The following COQ2 variants were observed in gnomAD, a reference collection of about 807,000 sequenced individuals.
COQ2 encodes coenzyme Q2, polyprenyltransferase, also known as 4-hydroxybenzoate polyprenyltransferase, mitochondrial.
In COQ2, 25 loss-of-function variants were observed where a neutral mutation model predicts 35.7. That is an observed-to-expected ratio of 0.70 (90% CI 0.51 to 0.98). The LOEUF is 0.98. Ranked by LOEUF, COQ2 falls within the 50% of genes least tolerant of loss-of-function variation. The pLI is 0.00. For synonymous variants in COQ2, 206 were observed against 186.2 expected, an observed-to-expected ratio of 1.11 and a Z score of -0.86; for missense variants, 488 against 473.5, an observed-to-expected ratio of 1.03 and a Z score of -0.28.
chr4:83,283,567 TTC>T (rs1478826027), intron 1 of COQ2: 12 of 985,374 alleles, frequency 1.2e-5, no homozygotes, highest in Admixed American at 1.2e-4. Flanking sequence ...CCACAGTAAT[TTC>T]TCTTTTTCCT....
Position 83,266,211 on chromosome 4 carries a change from G to C in COQ2, c.951+1375C>G, listed in dbSNP as rs916153865. ...TTTTCACAGTGAGGAAAACAGTGGA[G>C]GGGACACAGCATATGGTTTACTTTA... is the stretch of plus-strand genomic sequence containing the variant. On this transcript the variant is annotated intron_variant, in intron 6 of 6. Transcript: ENST00000647002. 2.0e-5 allele frequency among the ~76,000 whole-genome samples: 3 copies of C among 152,152 alleles called. No individual in the cohort carries two copies. In the South Asian group the frequency reaches 6.2e-4, roughly 32 times the overall value.
intron 3 of COQ2, among the ~76,000 whole-genome samples, chr4:83,273,257 T>C (rs912013942): frequency 6.6e-6 from 1 of 152,270 alleles, no homozygotes; most frequent in Admixed American, 6.5e-5. Context: ...TTAGGGAATG[T>C]AGTACAAATA....
rs963164721 is a variant in COQ2, at chr4:83,264,161, A to G, written c.*38T>C. ...GTATTCAAATCTAATTATATTTTGT[A>G]AAAAATGTTTTAAAAATTCCTAGAT... On this transcript the variant is annotated 3_prime_UTR_variant, in exon 7 of 7. Coordinates refer to ENST00000647002, the MANE Select transcript of COQ2 (RefSeq NM_001358921.2). The G allele has an allele frequency of 3.0e-6, 3 of 1,012,162 alleles. No individual in the cohort carries two copies. The highest frequency in any genetic ancestry group is 4.2e-6 in the Non-Finnish European group (3 of 706,160). 62.7% of individuals were successfully genotyped at this position (1,012,162 alleles called of 1,614,324 possible).
intron 1 of COQ2, among the ~76,000 whole-genome samples, chr4:83,279,815 A>C (rs950492209): frequency 6.6e-6 from 1 of 151,642 alleles, no homozygotes; most frequent in Non-Finnish European, 1.5e-5. Flanking sequence ...AAGTTAGCAA[A>C]ATTTCCTTTA....
At chr4:83,273,208 G>GC (rs1396860274) in intron 3 of COQ2, among the ~76,000 whole-genome samples, 5 of 152,174 alleles carry the variant, frequency 3.3e-5, no homozygotes, top group African/African-American at 4.8e-5. Context: ...ACACATCCAT[G>GC]CACGCACTTA....
At chr4:83,283,264 A>T in intron 1 of COQ2, 2 of 985,386 alleles carry the variant, frequency 2.0e-6, no homozygotes, top group Non-Finnish European at 2.4e-6. Flanking sequence ...TAGGCCTTTG[A>T]CTACATCTCC....
At chr4:83,276,518 A>C (rs1380223257) in intron 2 of COQ2, among the ~76,000 whole-genome samples, 4 of 152,208 alleles carry the variant, frequency 2.6e-5, no homozygotes, top group African/African-American at 7.2e-5. Flanking sequence ...CTTCTACGCC[A>C]GTCAGAATGG....
Position 83,269,859 on chromosome 4 carries a change from C to T in COQ2, c.762+1G>A, listed in dbSNP as rs767624218. On this transcript the variant is annotated splice_donor_variant, in intron 5 of 6. Coordinates refer to ENST00000647002, the MANE Select transcript of COQ2 (RefSeq NM_001358921.2). LOFTEE classifies it high-confidence loss of function. ...AAGTTAAGAAAAGATAATTTCTTTA[C>T]CTGATGGGCATAAATAGTATCATAT... 6.4e-6 allele frequency: 10 copies of T among 1,562,448 alleles called. No homozygotes were observed. The South Asian group carries it at 7.4e-5, about 12-fold the overall frequency.
chr4:83,283,734 C>T (rs1215057172), intron 1 of COQ2: 1 of 985,256 alleles, frequency 1.0e-6, no homozygotes, highest in Non-Finnish European at 1.2e-6. Flanking sequence ...CTTATTAATT[C>T]ACTTAACACT....
chr4:83,284,951 A>G, upstream of COQ2: 1 of 1,401,358 alleles, frequency 7.1e-7, no homozygotes, highest in African/African-American at 1.5e-5. Flanking sequence ...ACTTAATGAA[A>G]AAGGGATTTC....
intron 2 of COQ2, among the ~76,000 whole-genome samples, chr4:83,277,271 A>T (rs1735204690): frequency 6.6e-6 from 1 of 152,160 alleles, no homozygotes; most frequent in Non-Finnish European, 1.5e-5. Flanking sequence ...GCTTTACCAT[A>T]CAGCTCCTGC....
At chr4:83,274,108 A>G (rs1015248220) in intron 2 of COQ2, among the ~76,000 whole-genome samples, 1 of 151,822 alleles carries the variant, frequency 6.6e-6, no homozygotes, top group African/African-American at 2.4e-5. Flanking sequence ...GTGAGTCATG[A>G]TTGCACCAAG....
At chr4:83,280,228 A>C (rs1735288035) in intron 1 of COQ2, among the ~76,000 whole-genome samples, 1 of 152,256 alleles carries the variant, frequency 6.6e-6, no homozygotes, top group Admixed American at 6.5e-5. Context: ...TAGATTATAT[A>C]AAAGACTTCA....
At chr4:83,284,370 C>A in intron 1 of COQ2, 142 bp downstream of exon 1, 1 of 1,406,908 alleles carries the variant, frequency 7.1e-7, no homozygotes, top group Non-Finnish European at 9.2e-7. Flanking sequence ...CGCCCCAGGG[C>A]GCACGGCACC....
chr4:83,265,479 C>T (rs537142707), intron 6 of COQ2, among the ~76,000 whole-genome samples: 165 of 152,004 alleles, frequency 1.1e-3, no homozygotes, highest in African/African-American at 3.7e-3. Context: ...GGCTGAGGCA[C>T]GAGAATCGCT....
chr4:83,272,034 A>C lies in COQ2; in HGVS notation c.628+53T>G, dbSNP rs1735059350. 3.4e-6 allele frequency: 4 copies of C among 1,172,562 alleles called. No individual in the cohort carries two copies. The African/African-American group carries it at 4.6e-5, about 14-fold the overall frequency. The allele number at this position is 1,172,562 out of a possible 1,614,324, so 72.6% of individuals were successfully genotyped here. On this transcript the variant is annotated intron_variant, in intron 4 of 6. Coordinates refer to ENST00000647002, the MANE Select transcript of COQ2 (RefSeq NM_001358921.2). ...TTACCTATTTACCTATCTCTCCATA[A>C]AAGTGTAGTTTGCAAATATCAAAGG...
chr4:83,284,393 C>G lies in COQ2; in HGVS notation c.253+119G>C. 3.5e-6 allele frequency: 5 copies of G among 1,420,908 alleles called. No individual in the cohort carries two copies. In the South Asian group the frequency reaches 7.6e-5, roughly 22 times the overall value. The allele number at this position is 1,420,908 out of a possible 1,614,324, so 88.0% of individuals were successfully genotyped here. A position where few individuals can be genotyped will look rare whatever the true frequency, so the allele number is the denominator to read the frequency against. ...GGCGCACGGCACCCGGCAGCCAAGCCCAAGCTTTCAGGTTCTCATTTCCAT... is the reference window on the plus strand; with the variant it reads ...GGCGCACGGCACCCGGCAGCCAAGCGCAAGCTTTCAGGTTCTCATTTCCAT... On this transcript the variant is annotated intron_variant, in intron 1 of 6. Coordinates refer to ENST00000647002, the MANE Select transcript of COQ2 (RefSeq NM_001358921.2).
chr4:83,273,622 A>G lies in COQ2; in HGVS notation c.421-5T>C. On this transcript the variant is annotated splice_polypyrimidine_tract_variant and splice_region_variant and intron_variant, in intron 2 of 6. Coordinates refer to ENST00000647002, the MANE Select transcript of COQ2 (RefSeq NM_001358921.2). ...ACGATTGGCTGTTCTTGTAACCTTA[A>G]AACATAAAAACAGATACCTTAGCTT... 1 of 1,612,394 alleles carries G rather than the reference A, an allele frequency of 6.2e-7. No homozygotes were observed. The highest frequency in any genetic ancestry group is 8.5e-7 in the Non-Finnish European group (1 of 1,179,278).
At chr4:83,284,388 C>G in intron 1 of COQ2, 124 bp downstream of exon 1, 1 of 1,416,736 alleles carries the variant, frequency 7.1e-7, no homozygotes, top group South Asian at 1.5e-5. Flanking sequence ...ACCCGGCAGC[C>G]AAGCCCAAGC....
Sources: allele counts gnomAD v4.1 joint callset (sites outside exome capture counted in the v4.1 genomes callset), GRCh38; gene constraint gnomAD v4.1.1; transcripts MANE v1.5; gene names NCBI Gene and HGNC (gene_info 2026-07-23, HGNC 2026-07-21).